Variants in SGCZ observed in about 807,000 individuals in gnomAD.
SGCZ encodes the protein sarcoglycan zeta.
SGCZ carries 40 observed loss-of-function variants against 41.3 expected under a neutral mutation model. That is an observed-to-expected ratio of 0.97 (90% CI 0.75 to 1.26). The LOEUF is 1.26. Ranked by LOEUF, SGCZ falls within the 50% of genes most tolerant of loss-of-function variation. The pLI is 0.00. For synonymous variants in SGCZ, 206 were observed against 137.5 expected, an observed-to-expected ratio of 1.50 and a Z score of -3.49; for missense variants, 552 against 369.8, an observed-to-expected ratio of 1.49 and a Z score of -4.04.
chr8:14,827,809 C>A (rs973931708), intron 1 of SGCZ, among the ~76,000 whole-genome samples: 4 of 152,112 alleles, frequency 2.6e-5, no homozygotes, highest in African/African-American at 9.7e-5. Context: ...AATATATGCA[C>A]ACACGGATAC....
At chr8:14,205,263 T>C (rs1384003850) in intron 4 of SGCZ, among the ~76,000 whole-genome samples, 1 of 151,948 alleles carries the variant, frequency 6.6e-6, no homozygotes, top group African/African-American at 2.4e-5. Flanking sequence ...TCAATTGAAA[T>C]AGACTCCCCC....
chr8:14,836,857 A>G (rs1802717663), intron 1 of SGCZ, among the ~76,000 whole-genome samples: 1 of 152,190 alleles, frequency 6.6e-6, no homozygotes, highest in Non-Finnish European at 1.5e-5. Flanking sequence ...TCTTAAAAAT[A>G]TCTTATGGCT....
intron 1 of SGCZ, among the ~76,000 whole-genome samples, chr8:14,660,825 AAG>A (rs1309619955): frequency 6.6e-6 from 1 of 152,092 alleles, no homozygotes; most frequent in Non-Finnish European, 1.5e-5. Context: ...GTCCATATTT[AAG>A]AGAGAGTAGT....
At chr8:15,226,385 AG>A (rs1386785789) in intron 1 of SGCZ, among the ~76,000 whole-genome samples, 1 of 152,228 alleles carries the variant, frequency 6.6e-6, no homozygotes, top group Non-Finnish European at 1.5e-5. Flanking sequence ...TGTAACTCAA[AG>A]ATTTCATCAA....
chr8:14,161,538 T>C (rs373029237), intron 5 of SGCZ, among the ~76,000 whole-genome samples: 4 of 152,244 alleles, frequency 2.6e-5, no homozygotes, highest in East Asian at 3.8e-4. Flanking sequence ...ATATTCACCC[T>C]ATTGTACATC....
At chr8:15,199,778 T>TG (rs2117131162) in intron 1 of SGCZ, among the ~76,000 whole-genome samples, 1 of 152,270 alleles carries the variant, frequency 6.6e-6, no homozygotes, top group South Asian at 2.1e-4. Context: ...TAAGCCTCAA[T>TG]TAAAAAATAA....
intron 1 of SGCZ, among the ~76,000 whole-genome samples, chr8:14,692,258 A>T (rs896702921): frequency 2.6e-5 from 4 of 152,054 alleles, no homozygotes; most frequent in Non-Finnish European, 4.4e-5. Flanking sequence ...TTAGAATAAA[A>T]CCAACCATAG....
intron 1 of SGCZ, among the ~76,000 whole-genome samples, chr8:15,126,739 A>G (rs988512462): frequency 6.6e-6 from 1 of 152,148 alleles, no homozygotes; most frequent in Non-Finnish European, 1.5e-5. Context: ...CGAGACTTAA[A>G]AAGTGTGGCT....
At chr8:14,611,583 G>A (rs539824846) in intron 1 of SGCZ, among the ~76,000 whole-genome samples, 12 of 152,024 alleles carry the variant, frequency 7.9e-5, no homozygotes, top group Non-Finnish European at 1.6e-4. Context: ...GTCCTTTGCT[G>A]GAAAACATTT....
intron 1 of SGCZ, among the ~76,000 whole-genome samples, chr8:14,811,714 C>T (rs1028822835): frequency 3.3e-5 from 5 of 151,588 alleles, no homozygotes; most frequent in African/African-American, 7.3e-5. Flanking sequence ...GACTATTAGA[C>T]GCACTGCCGT....
intron 3 of SGCZ, among the ~76,000 whole-genome samples, chr8:14,267,266 G>A (rs1255316125): frequency 6.6e-6 from 1 of 151,984 alleles, no homozygotes; most frequent in Non-Finnish European, 1.5e-5. Context: ...AGTATTATAT[G>A]TCATAAGATG....
In SGCZ at chr8:14,123,529, G is replaced by A. The variant is rs1481999995; in HGVS notation, c.548-15294C>T. Among the ~76,000 whole-genome samples the A allele has an allele frequency of 1.1e-4, 17 of 152,120 alleles. 1 individual carries two copies. Among genetic ancestry groups the A allele is most frequent in the Admixed American group, 9.8e-4 (15 of 15,274 alleles). ...TCCTACTTTTCAAGGCATGTCACAT[G>A]AGATTAATAGTTCACATCCAGAGCC... On this transcript the variant is annotated intron_variant, in intron 5 of 7. Transcript: ENST00000382080.
Position 14,514,009 on chromosome 8 carries a change from C to T in SGCZ, c.234+40723G>A, listed in dbSNP as rs369731132. ...ATATTTGCAATATTTCAGGGGTTTA[C>T]AGCTTAAATATTTTGGACTTTGATG... On this transcript the variant is annotated intron_variant, in intron 2 of 7. Transcript: ENST00000382080. 7.9e-5 allele frequency among the ~76,000 whole-genome samples: 12 copies of T among 152,200 alleles called. No individual in the cohort carries two copies. The East Asian group carries it at 2.3e-3, about 29-fold the overall frequency.
At chr8:14,121,517 C>A (rs1387170253) in intron 5 of SGCZ, among the ~76,000 whole-genome samples, 1 of 152,090 alleles carries the variant, frequency 6.6e-6, no homozygotes, top group African/African-American at 2.4e-5. Flanking sequence ...ATGCTTCTTT[C>A]AAATTATACA....
In SGCZ at chr8:14,207,185, G is replaced by C. The variant is rs185692098; in HGVS notation, c.424+30407C>G. On this transcript the variant is annotated intron_variant, in intron 4 of 7. Coordinates refer to ENST00000382080, the MANE Select transcript of SGCZ (RefSeq NM_139167.4). ...TGCTTAAACTAGCTTGACCTTTGTAGTCTGATTCTTATAAACAGAACAAGA... is the reference window on the plus strand; with the variant it reads ...TGCTTAAACTAGCTTGACCTTTGTACTCTGATTCTTATAAACAGAACAAGA... Among the ~76,000 whole-genome samples the C allele has an allele frequency of 1.9e-4, 4 of 20,780 alleles. No individual in the cohort carries two copies. In the East Asian group the frequency reaches 6.4e-3, roughly 33 times the overall value. 13.6% of individuals were successfully genotyped at this position (20,780 alleles called of 152,430 possible).
intron 3 of SGCZ, among the ~76,000 whole-genome samples, chr8:14,282,608 T>C (rs1000511785): frequency 2.0e-5 from 3 of 152,174 alleles, no homozygotes; most frequent in Non-Finnish European, 4.4e-5. Context: ...TATGGTCACA[T>C]GCTAACATGA....
intron 1 of SGCZ, among the ~76,000 whole-genome samples, chr8:14,707,488 T>C (rs1311226901): frequency 2.0e-5 from 3 of 152,084 alleles, no homozygotes; most frequent in African/African-American, 7.2e-5. Context: ...CAACTACTGC[T>C]CAGGAATCGA....
intron 1 of SGCZ, among the ~76,000 whole-genome samples, chr8:14,777,718 A>T (rs1800453311): frequency 6.6e-6 from 1 of 152,104 alleles, no homozygotes; most frequent in African/African-American, 2.4e-5. Flanking sequence ...AAAAGTGTTA[A>T]TGCATGTATG....
At chr8:14,752,563 A>C (rs1057005298) in intron 1 of SGCZ, among the ~76,000 whole-genome samples, 1 of 152,030 alleles carries the variant, frequency 6.6e-6, no homozygotes, top group Non-Finnish European at 1.5e-5. Flanking sequence ...GACAGTACGC[A>C]CTCTCCTGTA....
Sources: gnomAD v4.1 joint callset for allele counts (sites outside exome capture counted in the v4.1 genomes callset) on GRCh38, gnomAD v4.1.1 for gene constraint, MANE v1.5 for transcripts, NCBI Gene and HGNC (gene_info 2026-07-23, HGNC 2026-07-21) for gene names.